The following CELF2 variants were observed in gnomAD, a reference collection of about 807,000 sequenced individuals.
CELF2 encodes CUG triplet repeat RNA-binding protein 2.
Under a neutral mutation model 62.6 loss-of-function variants are expected in CELF2, and 8 were observed. The observed-to-expected ratio is 0.13, with a 90% CI of 0.07 to 0.23. The LOEUF is 0.23. Among genes scored for constraint, CELF2 ranks in the 10% least tolerant of loss-of-function variants. The pLI is 1.00. For missense variants in CELF2, 333 were observed against 671.0 expected, an observed-to-expected ratio of 0.50 and a Z score of 5.56; for synonymous variants, 258 against 250.0, an observed-to-expected ratio of 1.03 and a Z score of -0.30.
chr10:11,141,711 G>A (rs1327208512), intron 1 of CELF2, among the ~76,000 whole-genome samples: 1 of 152,208 alleles, frequency 6.6e-6, no homozygotes, highest in Non-Finnish European at 1.5e-5. Context: ...CTGTTTCATG[G>A]TGATGTGCCT....
chr10:10,895,643 C>T (rs1000143033), intron 1 of CELF2, among the ~76,000 whole-genome samples: 10 of 152,094 alleles, frequency 6.6e-5, no homozygotes, highest in African/African-American at 7.2e-5. Flanking sequence ...CCCAAAAATA[C>T]AACTGCAGGA....
chr10:10,707,437 T>C, the CELF2 span, among the ~76,000 whole-genome samples: 1 of 152,202 alleles, frequency 6.6e-6, no homozygotes, highest in Non-Finnish European at 1.5e-5. Context: ...CAGGTCATGG[T>C]GAAATGATAG....
chr10:10,737,784 G>A, the CELF2 span, among the ~76,000 whole-genome samples: 1 of 151,878 alleles, frequency 6.6e-6, no homozygotes, highest in Non-Finnish European at 1.5e-5. Context: ...GACAACCTCT[G>A]AGTCAAGGTC....
intron 2 of CELF2, among the ~76,000 whole-genome samples, chr10:10,998,220 G>A (rs547535844): frequency 1.4e-4 from 21 of 152,288 alleles, no homozygotes; most frequent in Admixed American, 6.5e-4. Context: ...ACAATGCTGA[G>A]TTATCTTTCT....
At chr10:10,510,514 T>C in the CELF2 span, among the ~76,000 whole-genome samples, 1 of 152,218 alleles carries the variant, frequency 6.6e-6, no homozygotes, top group African/African-American at 2.4e-5. Context: ...CCAAGTAATA[T>C]TTCATCAATG....
Position 11,332,963 on chromosome 10 carries a change from C to T in CELF2, c.*3910C>T, listed in dbSNP as rs949219740. On this transcript the variant is annotated 3_prime_UTR_variant, in exon 13 of 13. Coordinates refer to ENST00000633077, the MANE Select transcript of CELF2 (RefSeq NM_001326342.2). ...GGTGTGTCTCGACACGTACCACGTA[C>T]GTGGAAACACAAGAGCCCACCACTT... The T allele has an allele frequency of 5.2e-5, 8 of 152,626 alleles. No individual in the cohort carries two copies. The highest frequency in any genetic ancestry group is 5.9e-5 in the Non-Finnish European group (4 of 68,044). The allele number at this position is 152,626 out of a possible 1,614,324, so 9.5% of individuals were successfully genotyped here.
At chr10:10,694,281 T>C in the CELF2 span, among the ~76,000 whole-genome samples, 1 of 152,066 alleles carries the variant, frequency 6.6e-6, no homozygotes, top group Admixed American at 6.5e-5. Flanking sequence ...CCAGTAGTCA[T>C]TCAGGAGCAG....
chr10:11,114,983 T>C (rs966528438), intron 1 of CELF2, among the ~76,000 whole-genome samples: 12 of 152,220 alleles, frequency 7.9e-5, no homozygotes, highest in African/African-American at 2.9e-4. Context: ...ATATGTACCT[T>C]CTGGCACACA....
intron 9 of CELF2, among the ~76,000 whole-genome samples, chr10:11,299,074 T>C (rs1328132351): frequency 1.3e-5 from 2 of 152,248 alleles, no homozygotes; most frequent in African/African-American, 4.8e-5. Context: ...CGGGGAACTT[T>C]CTACCTACCA....
intron 2 of CELF2, among the ~76,000 whole-genome samples, chr10:10,955,640 C>G (rs565617856): frequency 1.3e-5 from 2 of 152,276 alleles, no homozygotes; most frequent in African/African-American, 4.8e-5. Flanking sequence ...AATACTGCGC[C>G]CAGGTCACAC....
In CELF2 at chr10:11,217,282, ATGT is replaced by A. The variant is rs1453356186; in HGVS notation, c.272-138_272-136del. ...AAAAGGTACTGTGTAAATGCTTGAG[ATGT>A]TGTTATTGCTGTTCTCATATGCTTT... is the stretch of plus-strand genomic sequence containing the variant. On this transcript the variant is annotated intron_variant, in intron 2 of 12. Coordinates refer to ENST00000633077, the MANE Select transcript of CELF2 (RefSeq NM_001326342.2). This position sits in a 1 kb window ranked among gnomAD's most constrained non-coding sequence, Gnocchi z 5.6. The A allele has an allele frequency of 9.2e-6, 5 of 545,622 alleles. No individual in the cohort carries two copies. Among genetic ancestry groups the A allele is most frequent in the Admixed American group, 3.4e-5 (1 of 29,758 alleles). 33.8% of individuals were successfully genotyped at this position (545,622 alleles called of 1,614,324 possible).
chr10:10,916,215 G>T (rs536581067), intron 1 of CELF2, among the ~76,000 whole-genome samples: 1 of 152,306 alleles, frequency 6.6e-6, no homozygotes, highest in Non-Finnish European at 1.5e-5. Flanking sequence ...CACCTGAAAA[G>T]CTCCAGTGTT....
the CELF2 span, among the ~76,000 whole-genome samples, chr10:10,611,278 G>C: frequency 1.3e-5 from 2 of 152,126 alleles, no homozygotes; most frequent in African/African-American, 4.8e-5. Flanking sequence ...GGGTCATAAA[G>C]AGCCATTGAG....
chr10:10,833,076 GAAA>G (rs1294077268), intron 1 of CELF2, among the ~76,000 whole-genome samples: 1 of 149,884 alleles, frequency 6.7e-6, no homozygotes, highest in Non-Finnish European at 1.5e-5. Context: ...GCTCTGTGAA[GAAA>G]AAAATTTAGC....
the CELF2 span, among the ~76,000 whole-genome samples, chr10:10,766,462 G>A: frequency 6.6e-5 from 10 of 152,318 alleles, no homozygotes; most frequent in African/African-American, 2.2e-4. Context: ...GTGTGTTCCG[G>A]GAAAGACACA....
At position 11,211,809 on chromosome 10, in the gene CELF2, A is replaced by AGTGTGTGT. The variant is rs766424195; in HGVS notation, c.272-5615_272-5614insTGTGTGTG. 2.3e-5 allele frequency among the ~76,000 whole-genome samples: 3 copies of AGTGTGTGT among 129,856 alleles called. No individual in the cohort carries two copies. Among genetic ancestry groups the AGTGTGTGT allele is most frequent in the Non-Finnish European group, 4.9e-5 (3 of 61,216 alleles). The allele number at this position is 129,856 out of a possible 152,430, so 85.2% of individuals were successfully genotyped here. A position where few individuals can be genotyped will look rare whatever the true frequency, so the allele number is the denominator to read the frequency against. ...ATGTGTGTGAGAGAGAGAGAGAGAGAGAGAGTGTGTGTGTGTGTGTGTGTG... is the reference window on the plus strand; with the variant it reads ...ATGTGTGTGAGAGAGAGAGAGAGAGAGTGTGTGTGAGAGTGTGTGTGTGTGTGTGTGTG... On this transcript the variant is annotated intron_variant, in intron 2 of 12. Transcript: ENST00000633077. This position sits in a 1 kb window ranked among gnomAD's most constrained non-coding sequence, Gnocchi z 4.8.
intron 1 of CELF2, among the ~76,000 whole-genome samples, chr10:11,140,133 C>T (rs2061091007): frequency 6.6e-6 from 1 of 150,464 alleles, no homozygotes; most frequent in Non-Finnish European, 1.5e-5. Context: ...CTAACCGTAA[C>T]TAAATTTGCC....
At chr10:11,202,423 A>G (rs1038679449) in intron 2 of CELF2, among the ~76,000 whole-genome samples, 1 of 152,242 alleles carries the variant, frequency 6.6e-6, no homozygotes, top group African/African-American at 2.4e-5. Flanking sequence ...AGCTGCAGTG[A>G]GATGGACACA....
intron 12 of CELF2, 79 bp downstream of exon 12, chr10:11,326,058 T>A: frequency 7.0e-7 from 1 of 1,423,188 alleles, no homozygotes; most frequent in South Asian, 1.3e-5. Context: ...GTGAGACAGT[T>A]TCAGCCAGGA....
Sources: gnomAD v4.1 joint callset for allele counts (sites outside exome capture counted in the v4.1 genomes callset) on GRCh38, gnomAD v4.1.1 for gene constraint, Gnocchi (gnomAD v3.1) non-coding constraint, MANE v1.5 for transcripts, NCBI Gene and HGNC (gene_info 2026-07-23, HGNC 2026-07-21) for gene names.